Variants in MGRN1 observed in about 807,000 individuals in gnomAD.
MGRN1 encodes E3 ubiquitin-protein ligase MGRN1.
A neutral mutation model predicts 69.2 loss-of-function variants in MGRN1; 29 were observed. The ratio of observed to expected loss-of-function variants is 0.42; its 90% CI spans 0.31 to 0.57. The LOEUF (loss-of-function observed/expected upper bound fraction) is 0.57. Among genes scored for constraint, MGRN1 ranks in the 20% least tolerant of loss-of-function variants. MGRN1 has a pLI of 0.15. For synonymous variants in MGRN1, 470 were observed against 344.2 expected (o/e 1.37, Z -4.04); for missense variants, 998 against 796.2 (o/e 1.25, Z -3.05).
intron 5 of MGRN1, among the ~76,000 whole-genome samples, chr16:4,662,960 G>T (rs1271796450): frequency 6.6e-6 from 1 of 152,206 alleles, no homozygotes; most frequent in African/African-American, 2.4e-5. Context: ...GTCTTAGTCA[G>T]TGAGGCCTGT....
At chr16:4,672,931 T>C (rs1439154870) in intron 9 of MGRN1, among the ~76,000 whole-genome samples, 2 of 152,168 alleles carry the variant, frequency 1.3e-5, no homozygotes, top group East Asian at 1.9e-4. Flanking sequence ...CTCCGCCTCC[T>C]GGGTTCACGC....
At chr16:4,674,601 CT>C (rs765816998) in intron 10 of MGRN1, among the ~76,000 whole-genome samples, 10 of 64,870 alleles carry the variant, frequency 1.5e-4, no homozygotes, top group South Asian at 1.1e-3. Flanking sequence ...CTTTTCTTTT[CT>C]TTTTTTTTCT....
chr16:4,684,710 A>G (rs1348014748), intron 16 of MGRN1, among the ~76,000 whole-genome samples: 1 of 152,226 alleles, frequency 6.6e-6, no homozygotes, highest in African/African-American at 2.4e-5. Context: ...CTAAGCTCTA[A>G]AGACCGGGAG....
At chr16:4,667,330 G>T (rs1051938851) in intron 7 of MGRN1, among the ~76,000 whole-genome samples, 4 of 152,216 alleles carry the variant, frequency 2.6e-5, no homozygotes, top group Non-Finnish European at 5.9e-5. Context: ...CTGTGGCGAG[G>T]CTGGGTCTGT....
intron 1 of MGRN1, among the ~76,000 whole-genome samples, chr16:4,625,514 G>A (rs1897630176): frequency 6.6e-6 from 1 of 152,226 alleles, no homozygotes; most frequent in Admixed American, 6.5e-5. Context: ...CCTCCCATCA[G>A]GACGGAGGCT....
chr16:4,637,722 T>C (rs1297556330), intron 1 of MGRN1, among the ~76,000 whole-genome samples: 2 of 152,218 alleles, frequency 1.3e-5, no homozygotes, highest in African/African-American at 4.8e-5. Context: ...CCGGCGTGTG[T>C]GAGGCCATCG....
chr16:4,648,758 GCTCCTCCTCCC>G (rs2141873383), intron 1 of MGRN1, among the ~76,000 whole-genome samples: 1 of 128,446 alleles, frequency 7.8e-6, no homozygotes, highest in African/African-American at 3.2e-5. Context: ...TGGTCACCCG[GCTCCTCCTCCC>G]GGGGCTCTTC....
At chr16:4,647,999 T>C (rs1035309520) in intron 1 of MGRN1, among the ~76,000 whole-genome samples, 1 of 152,062 alleles carries the variant, frequency 6.6e-6, no homozygotes. Context: ...GCCGTGGTTC[T>C]CGGGAAGGAC....
At chr16:4,652,466 C>T (rs1043667681) in intron 3 of MGRN1, among the ~76,000 whole-genome samples, 5 of 152,182 alleles carry the variant, frequency 3.3e-5, no homozygotes, top group African/African-American at 9.7e-5. Context: ...ACCAAAAGCA[C>T]GTACCCCGTC....
chr16:4,652,114 C>G, intron 3 of MGRN1, 63 bp downstream of exon 3: 1 of 1,524,974 alleles, frequency 6.6e-7, no homozygotes, highest in Non-Finnish European at 9.0e-7. Context: ...GGTGGAGGTT[C>G]TGGCTTGATG....
chr16:4,632,302 C>T (rs1228671482), intron 1 of MGRN1, among the ~76,000 whole-genome samples: 1 of 152,156 alleles, frequency 6.6e-6, no homozygotes, highest in African/African-American at 2.4e-5. Context: ...GCATGAGCCA[C>T]TGCGCCCGGC....
intron 1 of MGRN1, chr16:4,633,822 A>C (rs904165709): frequency 2.0e-5 from 3 of 151,578 alleles, no homozygotes; most frequent in African/African-American, 7.3e-5. Flanking sequence ...GGTTCACGCC[A>C]TTCTCCTGCC....
chr16:4,657,424 T>A, intron 5 of MGRN1, 61 bp downstream of exon 5: 1 of 1,505,462 alleles, frequency 6.6e-7, no homozygotes, highest in Non-Finnish European at 9.2e-7. Flanking sequence ...CCCTTGGGGG[T>A]GGGGCCAGCA....
intron 1 of MGRN1, among the ~76,000 whole-genome samples, chr16:4,627,189 C>T (rs3848375): frequency 0.66 from 100,751 of 152,098 alleles, 37,985 homozygotes; most frequent in East Asian, 0.88. Flanking sequence ...GGGGTTGCCC[C>T]CATGGACCAT....
intron 1 of MGRN1, among the ~76,000 whole-genome samples, chr16:4,646,111 G>GGGCT (rs1282545830): frequency 6.6e-6 from 1 of 152,012 alleles, no homozygotes; most frequent in East Asian, 1.9e-4. Context: ...CTCCGTCGGG[G>GGGCT]GGCTCTGGCT....
At chr16:4,678,727 T>G (rs1245147663) in intron 11 of MGRN1, among the ~76,000 whole-genome samples, 1 of 152,196 alleles carries the variant, frequency 6.6e-6, no homozygotes, top group East Asian at 1.9e-4. Flanking sequence ...TTGAGTGCCT[T>G]TCTTGGCTCT....
At chr16:4,678,164 G>A (rs990364248) in intron 11 of MGRN1, among the ~76,000 whole-genome samples, 3 of 152,196 alleles carry the variant, frequency 2.0e-5, no homozygotes, top group African/African-American at 7.2e-5. Flanking sequence ...CTTAGTGAAT[G>A]AGCCATGCTG....
intron 6 of MGRN1, 72 bp from the exon 7 acceptor site, chr16:4,665,030 G>C: frequency 6.4e-7 from 1 of 1,565,432 alleles, no homozygotes; most frequent in Non-Finnish European, 8.8e-7. Flanking sequence ...AGGCCTACCA[G>C]GGTCGGGGAG....
At chr16:4,646,134 T>G (rs2078269575) in intron 1 of MGRN1, among the ~76,000 whole-genome samples, 1 of 152,004 alleles carries the variant, frequency 6.6e-6, no homozygotes, top group Non-Finnish European at 1.5e-5. Context: ...CCATCACTCG[T>G]GAGTCCTCAC....
Sources: gnomAD v4.1 joint callset for allele counts (sites outside exome capture counted in the v4.1 genomes callset) on GRCh38, gnomAD v4.1.1 for gene constraint, MANE v1.5 for transcripts, NCBI Gene and HGNC (gene_info 2026-07-23, HGNC 2026-07-21) for gene names.